Variants in ZNRF2 observed in about 807,000 individuals in gnomAD.
ZNRF2 encodes zinc and ring finger 2, also known as E3 ubiquitin-protein ligase ZNRF2.
ZNRF2 carries 16 observed loss-of-function variants against 20.4 expected under a neutral mutation model. That is an observed-to-expected ratio of 0.79 (90% CI 0.53 to 1.19). ZNRF2 has a LOEUF of 1.19. Ranked by LOEUF, ZNRF2 falls within the 50% of genes most tolerant of loss-of-function variation. The pLI is 0.00. For missense variants in ZNRF2, 363 were observed against 332.4 expected (o/e 1.09, Z -0.72); for synonymous variants, 178 against 144.9 (o/e 1.23, Z -1.64).
chr7:30,332,265 C>T (rs1168729354), intron 2 of ZNRF2, among the ~76,000 whole-genome samples: 1 of 152,108 alleles, frequency 6.6e-6, no homozygotes. Context: ...CACAGAAGAA[C>T]TTCACAGGTA....
intron 2 of ZNRF2, among the ~76,000 whole-genome samples, chr7:30,349,446 C>T (rs1799930996): frequency 6.6e-6 from 1 of 152,082 alleles, no homozygotes; most frequent in African/African-American, 2.4e-5. Flanking sequence ...CAGAACATAC[C>T]TGCTCTGTTC....
chr7:30,303,263 CAAAAAA>C (rs747523201), intron 1 of ZNRF2, among the ~76,000 whole-genome samples: 8 of 107,104 alleles, frequency 7.5e-5, no homozygotes, highest in Admixed American at 1.9e-4. Context: ...GATCCTGTCT[CAAAAAA>C]AAAAAAAAGA....
At position 30,331,127 on chromosome 7, in the gene ZNRF2, G is replaced by A. The variant is rs183750368; in HGVS notation, c.565+7390G>A. 7.4e-4 allele frequency among the ~76,000 whole-genome samples: 113 copies of A among 152,250 alleles called. No homozygotes were observed. In the East Asian group the frequency reaches 0.011, roughly 15 times the overall value. ...TCTCAAAGTTGGTGATATCCCAGAA[G>A]AGCCTGGCAGAAACAAATCCAAAAC... On this transcript the variant is annotated intron_variant, in intron 2 of 4. Coordinates refer to ENST00000323037, the MANE Select transcript of ZNRF2 (RefSeq NM_147128.4).
At chr7:30,364,468 G>A (rs1303288244) in intron 4 of ZNRF2, among the ~76,000 whole-genome samples, 1 of 152,128 alleles carries the variant, frequency 6.6e-6, no homozygotes, top group Non-Finnish European at 1.5e-5. Context: ...GGGTGACTTA[G>A]CAAGTCCCTG....
intron 2 of ZNRF2, among the ~76,000 whole-genome samples, chr7:30,326,599 T>C (rs769028730): frequency 6.6e-6 from 1 of 152,332 alleles, no homozygotes; most frequent in East Asian, 1.9e-4. Context: ...AGTGAACATA[T>C]GCATGCATGT....
intron 1 of ZNRF2, among the ~76,000 whole-genome samples, chr7:30,298,755 G>A (rs1167043037): frequency 1.3e-5 from 2 of 152,126 alleles, no homozygotes; most frequent in Non-Finnish European, 2.9e-5. Flanking sequence ...TGCAAGTCAG[G>A]GAGGACAACT....
intron 2 of ZNRF2, among the ~76,000 whole-genome samples, chr7:30,355,180 G>T (rs1345065619): frequency 6.6e-6 from 1 of 152,076 alleles, no homozygotes; most frequent in Non-Finnish European, 1.5e-5. Context: ...GAAATCCTCA[G>T]ATTTCCAAAA....
intron 2 of ZNRF2, among the ~76,000 whole-genome samples, chr7:30,352,593 G>A (rs1455151346): frequency 1.3e-5 from 2 of 152,056 alleles, no homozygotes; most frequent in Non-Finnish European, 2.9e-5. Context: ...TTAGTTCCCT[G>A]TTGACAATCT....
chr7:30,286,133 C>G (rs1798784708), intron 1 of ZNRF2, among the ~76,000 whole-genome samples: 1 of 152,176 alleles, frequency 6.6e-6, no homozygotes, highest in Admixed American at 6.5e-5. Flanking sequence ...TACAACAAAC[C>G]GACGAAACAG....
At chr7:30,343,188 G>A (rs1166333432) in intron 2 of ZNRF2, among the ~76,000 whole-genome samples, 1 of 152,038 alleles carries the variant, frequency 6.6e-6, no homozygotes. Context: ...GGTGGTGCAT[G>A]CCAATAGTCG....
chr7:30,289,458 C>G (rs1374526123), intron 1 of ZNRF2, among the ~76,000 whole-genome samples: 1 of 152,160 alleles, frequency 6.6e-6, no homozygotes, highest in Non-Finnish European at 1.5e-5. Context: ...TGTAATTAAT[C>G]TATTTCCTAT....
intron 1 of ZNRF2, among the ~76,000 whole-genome samples, chr7:30,304,160 T>C (rs1189022711): frequency 6.6e-6 from 1 of 152,196 alleles, no homozygotes; most frequent in Non-Finnish European, 1.5e-5. Flanking sequence ...TCACTTTATC[T>C]CTCTGGGTTT....
At chr7:30,306,699 TCC>T (rs1379926875) in intron 1 of ZNRF2, among the ~76,000 whole-genome samples, 2 of 152,180 alleles carry the variant, frequency 1.3e-5, no homozygotes, top group African/African-American at 4.8e-5. Flanking sequence ...GATTCTTGGT[TCC>T]TTTAGTAGTT....
chr7:30,299,069 A>T (rs1402671758), intron 1 of ZNRF2, among the ~76,000 whole-genome samples: 1 of 152,194 alleles, frequency 6.6e-6, no homozygotes, highest in African/African-American at 2.4e-5. Context: ...GAATGTGTAC[A>T]ACTAGTTATC....
intron 2 of ZNRF2, among the ~76,000 whole-genome samples, chr7:30,324,515 C>T (rs1347098933): frequency 6.6e-6 from 1 of 150,486 alleles, no homozygotes; most frequent in Non-Finnish European, 1.5e-5. Flanking sequence ...TGCCACTGCA[C>T]TCCAGCCTTG....
At chr7:30,326,960 C>T (rs1280944782) in intron 2 of ZNRF2, among the ~76,000 whole-genome samples, 2 of 152,070 alleles carry the variant, frequency 1.3e-5, no homozygotes, top group Non-Finnish European at 2.9e-5. Flanking sequence ...ATCTCCTTTG[C>T]ACATTTTTTC....
chr7:30,342,639 T>C (rs572495896), intron 2 of ZNRF2, among the ~76,000 whole-genome samples: 18 of 152,304 alleles, frequency 1.2e-4, no homozygotes, highest in East Asian at 1.2e-3. Flanking sequence ...ATTTAGACTT[T>C]TGTTTATATT....
Position 30,366,618 on chromosome 7 carries a change from A to C in ZNRF2, c.*606A>C, listed in dbSNP as rs1800219640. 1.3e-5 allele frequency: 2 copies of C among 152,562 alleles called. No individual in the cohort carries two copies. The highest frequency in any genetic ancestry group is 2.9e-5 in the Non-Finnish European group (2 of 67,996). The allele number at this position is 152,562 out of a possible 1,614,324, so 9.5% of individuals were successfully genotyped here. On this transcript the variant is annotated 3_prime_UTR_variant, in exon 5 of 5. Transcript: ENST00000323037. ...CCATTTTCTCCCCCACGAGTGGAAAATAGACTTCTACATAGGAAAGCTAAA... is the reference window on the plus strand; with the variant it reads ...CCATTTTCTCCCCCACGAGTGGAAACTAGACTTCTACATAGGAAAGCTAAA...
At chr7:30,322,202 A>G (rs1799481380) in intron 1 of ZNRF2, among the ~76,000 whole-genome samples, 1 of 151,846 alleles carries the variant, frequency 6.6e-6, no homozygotes, top group African/African-American at 2.4e-5. Context: ...TTTAAAATGC[A>G]TGTACTACAG....
Sources: gnomAD v4.1 joint callset for allele counts (sites outside exome capture counted in the v4.1 genomes callset) on GRCh38, gnomAD v4.1.1 for gene constraint, MANE v1.5 for transcripts, NCBI Gene and HGNC (gene_info 2026-07-23, HGNC 2026-07-21) for gene names.